GPR149: variants seen among roughly 807,000 people sequenced by gnomAD.
GPR149 encodes probable G protein-coupled receptor 149.
A neutral mutation model predicts 50.2 loss-of-function variants in GPR149; 50 were observed. That is an observed-to-expected ratio of 1.00 (90% CI 0.79 to 1.26). The LOEUF (loss-of-function observed/expected upper bound fraction) is 1.26. Among genes scored for constraint, GPR149 ranks in the 50% most tolerant of loss-of-function variants. The pLI is 0.00. For synonymous variants in GPR149, 405 were observed against 358.2 expected (o/e 1.13, Z -1.48); for missense variants, 983 against 895.4 (o/e 1.10, Z -1.25).
Position 154,338,241 on chromosome 3 carries a change from A to G in GPR149, c.1654T>C (p.Cys552Arg), listed in dbSNP as rs761431313. 3.1e-6 allele frequency: 5 copies of G among 1,594,074 alleles called. No individual in the cohort carries two copies. In the East Asian group the frequency reaches 1.1e-4, roughly 36 times the overall value. ...RSGYALAIPL[C>R]AFQGTVSLHA... ...AGAGACACAGTCCCCTGGAATGCAC[A>G]CAAGGGAATGGCAAGGGCATAACCG... The change falls in exon 4 of 4, where the codon TGT becomes CGT. Residue 552 changes from cysteine to arginine, a missense_variant. Cys to Arg is a radical substitution (Grantham distance 180). Transcript: ENST00000389740.
At chr3:154,338,894 C>G (rs1182437345) in intron 3 of GPR149, among the ~76,000 whole-genome samples, 1 of 152,116 alleles carries the variant, frequency 6.6e-6, no homozygotes, top group Non-Finnish European at 1.5e-5. Flanking sequence ...GAATACTATT[C>G]CACCTCTTTC....
At chr3:154,366,838 C>T (rs1335356665) in intron 3 of GPR149, among the ~76,000 whole-genome samples, 1 of 152,218 alleles carries the variant, frequency 6.6e-6, no homozygotes, top group African/African-American at 2.4e-5. Flanking sequence ...AACTTCACCA[C>T]CTTGGGCACA....
chr3:154,382,904 G>C (rs1202832494), intron 3 of GPR149, among the ~76,000 whole-genome samples: 1 of 152,136 alleles, frequency 6.6e-6, no homozygotes, highest in African/African-American at 2.4e-5. Context: ...CTCCTTCAGG[G>C]AACTGATTTT....
chr3:154,376,665 A>C (rs1294504688), intron 3 of GPR149, among the ~76,000 whole-genome samples: 1 of 152,242 alleles, frequency 6.6e-6, no homozygotes, highest in Non-Finnish European at 1.5e-5. Flanking sequence ...GGAAAGCAGC[A>C]GTGTTCACTG....
chr3:154,422,812 A>C (rs1234228173), intron 2 of GPR149, among the ~76,000 whole-genome samples: 1 of 151,848 alleles, frequency 6.6e-6, no homozygotes. Context: ...CTAGTAACAT[A>C]GTCAAGTAAA....
intron 3 of GPR149, among the ~76,000 whole-genome samples, chr3:154,415,696 G>A (rs148683790): frequency 1.7e-3 from 257 of 152,006 alleles, no homozygotes; most frequent in Middle Eastern, 3.4e-3. Context: ...AATGTAAACA[G>A]TGGTTAACTC....
At chr3:154,401,892 C>T (rs1267474093) in intron 3 of GPR149, among the ~76,000 whole-genome samples, 2 of 152,064 alleles carry the variant, frequency 1.3e-5, no homozygotes, top group Non-Finnish European at 2.9e-5. Context: ...ACTAAAGCAA[C>T]AAAGTAGGTC....
intron 3 of GPR149, among the ~76,000 whole-genome samples, chr3:154,395,452 A>G (rs1255565581): frequency 6.8e-6 from 1 of 147,512 alleles, no homozygotes; most frequent in African/African-American, 2.5e-5. Context: ...ATATATAAGT[A>G]TATATATATA....
rs1255736238 is a variant in GPR149, at chr3:154,336,409, G to T, written c.*1290C>A. The T allele has an allele frequency of 3.3e-5, 5 of 152,030 alleles. No individual in the cohort carries two copies. Among genetic ancestry groups the T allele is most frequent in the African/African-American group, 9.7e-5 (4 of 41,422 alleles). 9.4% of individuals were successfully genotyped at this position (152,030 alleles called of 1,614,324 possible). A position where few individuals can be genotyped will look rare whatever the true frequency, so the allele number is the denominator to read the frequency against. ...ATAAAGTATGTGAGTGATGTGAGGG[G>T]CACAAAGTCTAAGACTATGTAAAGT... On this transcript the variant is annotated 3_prime_UTR_variant, in exon 4 of 4. Coordinates refer to ENST00000389740, the MANE Select transcript of GPR149 (RefSeq NM_001038705.3).
chr3:154,379,614 T>C (rs1714870783), intron 3 of GPR149, among the ~76,000 whole-genome samples: 1 of 152,156 alleles, frequency 6.6e-6, no homozygotes, highest in Non-Finnish European at 1.5e-5. Flanking sequence ...AATTTTTGTG[T>C]ATAGTATGAG....
intron 3 of GPR149, among the ~76,000 whole-genome samples, chr3:154,380,116 T>C (rs1190643563): frequency 1.3e-5 from 2 of 151,874 alleles, no homozygotes; most frequent in African/African-American, 4.8e-5. Flanking sequence ...TTGCTAGCTC[T>C]TATTCATTAA....
intron 3 of GPR149, among the ~76,000 whole-genome samples, chr3:154,385,810 G>A (rs701118): frequency 0.83 from 126,428 of 151,678 alleles, 52,687 homozygotes; most frequent in Middle Eastern, 0.91. Context: ...CACACCATTC[G>A]CCTGCCTCAG....
At chr3:154,367,451 T>G (rs527825549) in intron 3 of GPR149, among the ~76,000 whole-genome samples, 6 of 152,092 alleles carry the variant, frequency 3.9e-5, no homozygotes, top group Non-Finnish European at 8.8e-5. Flanking sequence ...TCCTGTGAGA[T>G]CCTGTCTCCT....
At chr3:154,353,001 G>T in intron 3 of GPR149, 1 of 1,233,056 alleles carries the variant, frequency 8.1e-7, no homozygotes. Flanking sequence ...AGCCACATTG[G>T]TTGCCACCAA....
chr3:154,362,912 G>A (rs1714446773), intron 3 of GPR149, among the ~76,000 whole-genome samples: 1 of 152,078 alleles, frequency 6.6e-6, no homozygotes, highest in South Asian at 2.1e-4. Flanking sequence ...GAAATATCAG[G>A]GCTATTTAGA....
intron 3 of GPR149, among the ~76,000 whole-genome samples, chr3:154,403,201 T>G (rs1185710598): frequency 6.6e-6 from 1 of 152,192 alleles, no homozygotes; most frequent in African/African-American, 2.4e-5. Context: ...GGTATCATAG[T>G]ATAGAAGCCA....
chr3:154,422,209 TA>T (rs1712166577), intron 2 of GPR149, among the ~76,000 whole-genome samples: 1 of 151,704 alleles, frequency 6.6e-6, no homozygotes, highest in Non-Finnish European at 1.5e-5. Flanking sequence ...TAAAACTTTT[TA>T]TGATTTAAAT....
chr3:154,428,884 A>G lies in GPR149; in HGVS notation c.732T>C (p.Thr244=). 2.5e-6 allele frequency: 4 copies of G among 1,613,958 alleles called. No homozygotes were observed. Among genetic ancestry groups the G allele is most frequent in the Middle Eastern group, 1.6e-4 (1 of 6,062 alleles). The change falls in exon 1 of 4, where the codon ACT becomes ACC. Residue 244 remains threonine, a synonymous_variant. Coordinates refer to ENST00000389740, the MANE Select transcript of GPR149 (RefSeq NM_001038705.3). ...GGGACAGGGAAACCACTCTCCCCGC[A>G]GTAGGAGGGGTCCCAGGAATTGAAG... The part of the protein sequence containing the change: ...RGASIPGTPP[T]AGRVVSLSPE...
chr3:154,399,665 T>C (rs1224915699), intron 3 of GPR149, among the ~76,000 whole-genome samples: 2 of 152,208 alleles, frequency 1.3e-5, no homozygotes, highest in Non-Finnish European at 2.9e-5. Flanking sequence ...CTCTAGAGAC[T>C]GATGGTCCAT....
Sources: allele counts gnomAD v4.1 joint callset (sites outside exome capture counted in the v4.1 genomes callset), GRCh38; gene constraint gnomAD v4.1.1; transcripts MANE v1.5; gene names NCBI Gene and HGNC (gene_info 2026-07-23, HGNC 2026-07-21).